The following LCMT1 variants were observed in gnomAD, a reference collection of about 807,000 sequenced individuals.
The protein encoded by LCMT1 is [Phosphatase 2A protein]-leucine-carboxy methyltransferase 1.
Under a neutral mutation model 47.7 loss-of-function variants are expected in LCMT1, and 32 were observed. The observed-to-expected ratio is 0.67, with a 90% CI of 0.51 to 0.90. The LOEUF (loss-of-function observed/expected upper bound fraction) is 0.90, where lower values mean the gene tolerates loss of function less well. Among genes scored for constraint, LCMT1 ranks in the 40% least tolerant of loss-of-function variants. The pLI is 0.00. For missense variants in LCMT1, 375 were observed against 415.2 expected (o/e 0.90, Z 0.84); for synonymous variants, 152 against 149.7 (o/e 1.02, Z -0.11).
At chr16:25,127,943 T>C (rs1193121960) in intron 1 of LCMT1, among the ~76,000 whole-genome samples, 2 of 152,234 alleles carry the variant, frequency 1.3e-5, no homozygotes, top group African/African-American at 2.4e-5. Flanking sequence ...GTTTTGTTCG[T>C]GCTTGCTTTG....
At chr16:25,147,778 A>G (rs277916) in intron 4 of LCMT1, 34,562 of 151,716 alleles carry the variant, frequency 0.23, 4,035 homozygotes, top group East Asian at 0.34. Context: ...TGCAGCCTCA[A>G]CCTCCTGGAC....
intron 6 of LCMT1, 59 bp from the exon 7 acceptor site, chr16:25,164,539 T>G: frequency 6.8e-6 from 11 of 1,609,924 alleles, no homozygotes; most frequent in Middle Eastern, 1.7e-4. Context: ...ATGTGTACAA[T>G]TAGAGGGTCC....
intron 1 of LCMT1, among the ~76,000 whole-genome samples, chr16:25,121,893 C>T (rs990873365): frequency 7.9e-5 from 12 of 152,142 alleles, no homozygotes; most frequent in Admixed American, 7.9e-4. Flanking sequence ...GCATATTGTC[C>T]ATGTCATTTC....
chr16:25,141,704 T>G (rs1960698887), intron 4 of LCMT1: 1 of 152,234 alleles, frequency 6.6e-6, no homozygotes, highest in African/African-American at 2.4e-5. Context: ...GAACTGTTAA[T>G]GTAAGAACAA....
At chr16:25,168,303 C>G (rs765498373) in intron 7 of LCMT1, among the ~76,000 whole-genome samples, 1 of 152,210 alleles carries the variant, frequency 6.6e-6, no homozygotes, top group Non-Finnish European at 1.5e-5. Flanking sequence ...CCTGCCTCAG[C>G]CTCCCAAAGT....
intron 7 of LCMT1, 101 bp downstream of exon 7, chr16:25,164,819 G>A: frequency 6.7e-7 from 1 of 1,482,246 alleles, no homozygotes; most frequent in East Asian, 2.3e-5. Context: ...TTTTCCTTCT[G>A]CCTCCAGCCT....
At chr16:25,157,062 T>C (rs1227693930) in intron 5 of LCMT1, among the ~76,000 whole-genome samples, 1 of 151,972 alleles carries the variant, frequency 6.6e-6, no homozygotes, top group Non-Finnish European at 1.5e-5. Flanking sequence ...TGAATGGGAT[T>C]GATGGGGTTC....
chr16:25,153,918 A>C (rs1961156120), intron 5 of LCMT1, among the ~76,000 whole-genome samples: 1 of 152,092 alleles, frequency 6.6e-6, no homozygotes. Context: ...ATGCCGCTGC[A>C]CTCCAGACTG....
intron 9 of LCMT1, 130 bp from the exon 10 acceptor site, chr16:25,174,807 A>G (rs1475077654): frequency 2.2e-6 from 1 of 448,576 alleles, no homozygotes; most frequent in Non-Finnish European, 3.9e-6. Flanking sequence ...CCACACCATA[A>G]TTACTATTTT....
chr16:25,140,299 C>A, intron 4 of LCMT1, 52 bp downstream of exon 4: 3 of 1,337,046 alleles, frequency 2.2e-6, no homozygotes, highest in Non-Finnish European at 3.2e-6. Flanking sequence ...TCAGATCCAG[C>A]TCTCAAGAGA....
In LCMT1 at chr16:25,111,997, G is replaced by GTGCC. The variant is rs901627659; in HGVS notation, c.113+4_113+7dup. On this transcript the variant is annotated splice_donor_variant, in intron 1 of 10. Transcript: ENST00000399069. LOFTEE classifies it high-confidence loss of function. ...GCGAAGATGCTTCCCTGTGCAAGAG[G>GTGCC]TGCCTGTCGGGCGCGGGGTTCGGGG... is the stretch of plus-strand genomic sequence containing the variant. 5 of 1,609,626 alleles carry GTGCC rather than the reference G, an allele frequency of 3.1e-6. No homozygotes were observed. The African/African-American group carries it at 6.7e-5, about 22-fold the overall frequency.
chr16:25,154,847 C>G (rs965577347), intron 5 of LCMT1, among the ~76,000 whole-genome samples: 2 of 151,974 alleles, frequency 1.3e-5, no homozygotes, highest in African/African-American at 4.8e-5. Context: ...TTTTCTCATT[C>G]TTTTACTTAT....
At position 25,124,814 on chromosome 16, in the gene LCMT1, G is replaced by A. The variant is rs146051312; in HGVS notation, c.114-3661G>A. ...ACCAGATCTGTCTTTCCCGTGGGAG[G>A]AAAGTGAGATGATTTTAGGTGTTAC... On this transcript the variant is annotated intron_variant, in intron 1 of 10. Transcript: ENST00000399069. 8.8e-4 allele frequency among the ~76,000 whole-genome samples: 134 copies of A among 152,350 alleles called. 1 individual carries two copies. The highest frequency in any genetic ancestry group is 3.1e-3 in the African/African-American group (129 of 41,570).
intron 5 of LCMT1, among the ~76,000 whole-genome samples, chr16:25,156,608 G>C: frequency 6.6e-6 from 1 of 152,234 alleles, no homozygotes; most frequent in African/African-American, 2.4e-5. Context: ...AGGCCAGTGT[G>C]GCTGGGGCTC....
chr16:25,163,865 T>C (rs548645915), intron 6 of LCMT1, among the ~76,000 whole-genome samples: 22 of 152,312 alleles, frequency 1.4e-4, no homozygotes, highest in African/African-American at 4.6e-4. Context: ...TTCTGCAGTT[T>C]GGGCTGGGCT....
At chr16:25,119,881 C>G (rs749837801) in intron 1 of LCMT1, among the ~76,000 whole-genome samples, 2 of 152,058 alleles carry the variant, frequency 1.3e-5, no homozygotes, top group Non-Finnish European at 2.9e-5. Context: ...GTCTATCAGG[C>G]CAGGCACGGT....
chr16:25,147,064 G>C (rs1051482226), intron 4 of LCMT1: 1 of 152,148 alleles, frequency 6.6e-6, no homozygotes, highest in East Asian at 1.9e-4. Flanking sequence ...TTCCAAATAT[G>C]TGTTGCTTTT....
intron 2 of LCMT1, among the ~76,000 whole-genome samples, chr16:25,131,739 A>G (rs1960353893): frequency 6.6e-6 from 1 of 152,172 alleles, no homozygotes. Flanking sequence ...CAGTGGCGCA[A>G]TCTTGGGCCA....
intron 4 of LCMT1, 141 bp downstream of exon 4, chr16:25,140,388 C>A (rs1443064599): frequency 1.6e-5 from 10 of 643,332 alleles, no homozygotes; most frequent in South Asian, 1.3e-4. Context: ...TTTTTTTGCC[C>A]TGGCACTCAT....
Sources: gnomAD v4.1 joint callset for allele counts (sites outside exome capture counted in the v4.1 genomes callset) on GRCh38, gnomAD v4.1.1 for gene constraint, MANE v1.5 for transcripts, NCBI Gene and HGNC (gene_info 2026-07-23, HGNC 2026-07-21) for gene names.